The following ZBTB20 variants were observed in gnomAD, a reference collection of about 807,000 sequenced individuals.
The protein encoded by ZBTB20 is zinc finger and BTB domain containing 20, also known as zinc finger and BTB domain-containing protein 20.
ZBTB20 carries 9 observed loss-of-function variants against 56.9 expected under a neutral mutation model. That is an observed-to-expected ratio of 0.16 (90% CI 0.10 to 0.28). The LOEUF (loss-of-function observed/expected upper bound fraction) is 0.28. Among genes scored for constraint, ZBTB20 ranks in the 10% least tolerant of loss-of-function variants. The probability of loss-of-function intolerance (pLI) is 1.00; values close to 1 mark genes in which losing one functional copy is unlikely to be tolerated. For missense variants in ZBTB20, 655 were observed against 1,003.0 expected (o/e 0.65, Z 4.69); for synonymous variants, 417 against 420.7 (o/e 0.99, Z 0.11).
At chr3:114,602,697 A>C (rs1018185028) in intron 6 of ZBTB20, among the ~76,000 whole-genome samples, 4 of 152,016 alleles carry the variant, frequency 2.6e-5, no homozygotes, top group Non-Finnish European at 4.4e-5. Context: ...ACTGAAGACA[A>C]AATATAGAGG....
At chr3:114,729,858 C>T (rs955956498) in intron 5 of ZBTB20, among the ~76,000 whole-genome samples, 8 of 151,546 alleles carry the variant, frequency 5.3e-5, no homozygotes, top group African/African-American at 1.5e-4. Flanking sequence ...AGCTGGAGTG[C>T]GGTGGCATGA....
chr3:115,124,805 A>G (rs2084279810), intron 1 of ZBTB20, among the ~76,000 whole-genome samples: 1 of 152,160 alleles, frequency 6.6e-6, no homozygotes, highest in South Asian at 2.1e-4. Flanking sequence ...TTAAACTTTT[A>G]TGTCTAAATA....
chr3:115,088,609 A>T (rs1049341660), intron 1 of ZBTB20, among the ~76,000 whole-genome samples: 4 of 151,858 alleles, frequency 2.6e-5, no homozygotes, highest in East Asian at 1.9e-4. Context: ...TTAAATATTT[A>T]AAAAATATAA....
At chr3:114,855,431 T>C (rs992571267) in intron 4 of ZBTB20, among the ~76,000 whole-genome samples, 2 of 152,216 alleles carry the variant, frequency 1.3e-5, no homozygotes, top group Admixed American at 1.3e-4. Flanking sequence ...AGTGTTTTCC[T>C]AGCATGAAAG....
intron 5 of ZBTB20, among the ~76,000 whole-genome samples, chr3:114,756,209 C>T (rs1035331649): frequency 6.6e-6 from 1 of 151,948 alleles, no homozygotes; most frequent in Non-Finnish European, 1.5e-5. Flanking sequence ...GTATTTACAT[C>T]GCATGTACTC....
intron 2 of ZBTB20, among the ~76,000 whole-genome samples, chr3:115,061,103 G>A (rs1228050419): frequency 2.6e-5 from 4 of 152,098 alleles, no homozygotes; most frequent in Admixed American, 2.0e-4. Flanking sequence ...TTGGATTCCA[G>A]TTGTTCTGAT....
intron 6 of ZBTB20, among the ~76,000 whole-genome samples, chr3:114,567,674 A>C (rs1262076473): frequency 6.6e-6 from 1 of 152,024 alleles, no homozygotes; most frequent in Non-Finnish European, 1.5e-5. Context: ...TAACCCCTAC[A>C]TCACACATAC....
At chr3:115,122,842 T>C (rs2084221878) in intron 1 of ZBTB20, among the ~76,000 whole-genome samples, 1 of 152,084 alleles carries the variant, frequency 6.6e-6, no homozygotes, top group East Asian at 1.9e-4. Flanking sequence ...TACATTGACA[T>C]AGCTATATCA....
intron 7 of ZBTB20, among the ~76,000 whole-genome samples, chr3:114,430,338 G>A (rs1159723589): frequency 6.6e-6 from 1 of 152,176 alleles, no homozygotes; most frequent in East Asian, 1.9e-4. Flanking sequence ...GGCACAGCAA[G>A]ATTGTGTTTT....
intron 3 of ZBTB20, among the ~76,000 whole-genome samples, chr3:114,938,729 G>A (rs2076632275): frequency 6.9e-6 from 1 of 145,418 alleles, no homozygotes; most frequent in South Asian, 2.1e-4. Flanking sequence ...GTAGATGACA[G>A]GTTGATGGGT....
At chr3:114,647,505 C>T (rs1205659296) in intron 6 of ZBTB20, among the ~76,000 whole-genome samples, 1 of 152,146 alleles carries the variant, frequency 6.6e-6, no homozygotes, top group African/African-American at 2.4e-5. Flanking sequence ...CTGACCAAAA[C>T]TTTTGGCAAT....
rs1238977325 is a variant in ZBTB20, at chr3:114,319,961, G to A, written c.*19044C>T. 1 of 152,094 alleles carries A rather than the reference G, an allele frequency of 6.6e-6. No individual in the cohort carries two copies. Among genetic ancestry groups the A allele is most frequent in the East Asian group, 1.9e-4 (1 of 5,200 alleles). The allele number at this position is 152,094 out of a possible 1,614,324, so 9.4% of individuals were successfully genotyped here. A position where few individuals can be genotyped will look rare whatever the true frequency, so the allele number is the denominator to read the frequency against. Reference sequence around the variant, plus strand: ...TGTGGAAATCCAGTGGTATGAGGAAGGCTGGGGTTATTTCCTCCATACTTT... The same window carrying A: ...TGTGGAAATCCAGTGGTATGAGGAAAGCTGGGGTTATTTCCTCCATACTTT... On this transcript the variant is annotated 3_prime_UTR_variant, in exon 12 of 12. Coordinates refer to ENST00000675478, the MANE Select transcript of ZBTB20 (RefSeq NM_001348800.3).
At chr3:114,961,204 G>GTTT (rs755775653) in intron 3 of ZBTB20, among the ~76,000 whole-genome samples, 1 of 143,036 alleles carries the variant, frequency 7.0e-6, no homozygotes, top group Non-Finnish European at 1.5e-5. Context: ...CACCATACTC[G>GTTT]TTTTTTTTTT....
intron 5 of ZBTB20, among the ~76,000 whole-genome samples, chr3:114,704,002 G>A (rs1023607851): frequency 6.6e-6 from 1 of 152,094 alleles, no homozygotes; most frequent in Non-Finnish European, 1.5e-5. Context: ...AGTATTTTTA[G>A]GAGTGGTGAC....
intron 6 of ZBTB20, among the ~76,000 whole-genome samples, chr3:114,626,580 C>T (rs910412974): frequency 1.3e-5 from 2 of 152,142 alleles, no homozygotes; most frequent in Non-Finnish European, 2.9e-5. Flanking sequence ...TACACTGCTG[C>T]TTTAAAAAGA....
At chr3:114,447,490 CAG>C (rs1376961935) in intron 7 of ZBTB20, among the ~76,000 whole-genome samples, 4 of 152,208 alleles carry the variant, frequency 2.6e-5, no homozygotes, top group Non-Finnish European at 5.9e-5. Context: ...TCAACAAACA[CAG>C]AGAGAAATTT....
chr3:114,738,284 T>G (rs966513918), intron 5 of ZBTB20, among the ~76,000 whole-genome samples: 2 of 152,108 alleles, frequency 1.3e-5, no homozygotes, highest in African/African-American at 4.8e-5. Flanking sequence ...TGATAAAATC[T>G]TTTTAAGTGA....
intron 3 of ZBTB20, among the ~76,000 whole-genome samples, chr3:114,912,173 A>C (rs978130635): frequency 6.6e-6 from 1 of 151,380 alleles, no homozygotes; most frequent in East Asian, 1.9e-4. Context: ...TATATCCACA[A>C]AAGCTGTCCT....
At chr3:114,860,083 T>C (rs2075445908) in intron 4 of ZBTB20, among the ~76,000 whole-genome samples, 1 of 151,960 alleles carries the variant, frequency 6.6e-6, no homozygotes, top group Non-Finnish European at 1.5e-5. Context: ...CCAAGATGGG[T>C]GGATCACGAC....
Sources: allele counts gnomAD v4.1 joint callset (sites outside exome capture counted in the v4.1 genomes callset), GRCh38; gene constraint gnomAD v4.1.1; transcripts MANE v1.5; gene names NCBI Gene and HGNC (gene_info 2026-07-23, HGNC 2026-07-21).